The following CRKL variants were observed in gnomAD, a reference collection of about 807,000 sequenced individuals.
The protein encoded by CRKL is crk-like protein.
In CRKL, 3 loss-of-function variants were observed where a neutral mutation model predicts 23.0. The ratio of observed to expected loss-of-function variants is 0.13; its 90% CI spans 0.06 to 0.34. The LOEUF is 0.34. Among genes scored for constraint, CRKL ranks in the 10% least tolerant of loss-of-function variants. The pLI is 1.00. For missense variants in CRKL, 256 were observed against 394.5 expected, an observed-to-expected ratio of 0.65 and a Z score of 2.97; for synonymous variants, 188 against 160.7, an observed-to-expected ratio of 1.17 and a Z score of -1.28.
At chr22:20,929,823 A>T (rs1378242479) in intron 1 of CRKL, among the ~76,000 whole-genome samples, 1 of 152,188 alleles carries the variant, frequency 6.6e-6, no homozygotes, top group African/African-American at 2.4e-5. Flanking sequence ...CTCAAAGAAC[A>T]AATAATTGGG....
intron 1 of CRKL, among the ~76,000 whole-genome samples, chr22:20,924,159 G>C (rs190704916): frequency 4.7e-4 from 71 of 152,252 alleles, no homozygotes; most frequent in Admixed American, 7.9e-4. Flanking sequence ...CTGCACTTCA[G>C]CCTGGGCAAC....
chr22:20,941,687 C>T (rs924665069), intron 2 of CRKL, among the ~76,000 whole-genome samples: 4 of 145,808 alleles, frequency 2.7e-5, no homozygotes, highest in African/African-American at 5.1e-5. Flanking sequence ...CTCTGCCTCC[C>T]GGGTTCAAGC....
chr22:20,921,281 AT>A (rs1189348880), intron 1 of CRKL, among the ~76,000 whole-genome samples: 1 of 152,218 alleles, frequency 6.6e-6, no homozygotes, highest in East Asian at 1.9e-4. Flanking sequence ...CCTACTCGAA[AT>A]TTAAGGACTG....
intron 1 of CRKL, among the ~76,000 whole-genome samples, chr22:20,923,006 T>C (rs1454615102): frequency 6.6e-6 from 1 of 152,136 alleles, no homozygotes; most frequent in Non-Finnish European, 1.5e-5. Flanking sequence ...ATAAGGGCTG[T>C]TTCCAGTTTA....
chr22:20,918,048 C>A lies in CRKL; in HGVS notation c.114C>A (p.Val38=). The part of the protein sequence containing the change: ...LQGQRHGMFL[V]RDSSTCPGDY... Reference sequence around the variant, plus strand: ...GCCAGCGCCACGGTATGTTCCTCGTCCGCGATTCTTCCACCTGCCCTGGGG... The same window carrying A: ...GCCAGCGCCACGGTATGTTCCTCGTACGCGATTCTTCCACCTGCCCTGGGG... The change falls in exon 1 of 3, where the codon GTC becomes GTA. Residue 38 remains valine, a synonymous_variant. Coordinates refer to ENST00000354336, the MANE Select transcript of CRKL (RefSeq NM_005207.4). 1 of 1,614,264 alleles carries A rather than the reference C, an allele frequency of 6.2e-7. No homozygotes were observed. The highest frequency in any genetic ancestry group is 8.5e-7 in the Non-Finnish European group (1 of 1,180,050).
At chr22:20,922,134 T>C (rs1364676743) in intron 1 of CRKL, among the ~76,000 whole-genome samples, 1 of 148,518 alleles carries the variant, frequency 6.7e-6, no homozygotes, top group African/African-American at 2.5e-5. Context: ...TACCTCAGCC[T>C]CCTGAGTAGC....
intron 2 of CRKL, among the ~76,000 whole-genome samples, chr22:20,941,032 C>T (rs1921851653): frequency 6.6e-6 from 1 of 151,980 alleles, no homozygotes; most frequent in Non-Finnish European, 1.5e-5. Context: ...TGCTGGGTGG[C>T]CTGCAGTGCT....
chr22:20,949,632 G>A (rs1253592989), intron 2 of CRKL, 79 bp from the exon 3 acceptor site: 7 of 1,564,004 alleles, frequency 4.5e-6, no homozygotes, highest in Non-Finnish European at 5.2e-6. Context: ...CTTTGGATAA[G>A]GTAGTGTTTG....
At chr22:20,947,258 A>G (rs1417868789) in intron 2 of CRKL, among the ~76,000 whole-genome samples, 1 of 146,370 alleles carries the variant, frequency 6.8e-6, no homozygotes, top group Non-Finnish European at 1.5e-5. Context: ...TTTTTTTTCA[A>G]TAGAAGCTAG....
intron 2 of CRKL, among the ~76,000 whole-genome samples, chr22:20,948,048 CAGA>C (rs1922133556): frequency 6.6e-6 from 1 of 152,076 alleles, no homozygotes; most frequent in African/African-American, 2.4e-5. Flanking sequence ...ACTCAAAAGA[CAGA>C]AGTTTTTTAA....
In CRKL at chr22:20,917,644, A is replaced by G. The variant is rs530324110; in HGVS notation, c.-291A>G. On this transcript the variant is annotated 5_prime_UTR_variant, in exon 1 of 3. Transcript: ENST00000354336. ...CCCCTGGGACGCCGAGCAGCCCGAG[A>G]ACCCCGGGGTGGCCTCCGCTGCGGC... 1,272 of 442,094 alleles carry G rather than the reference A, an allele frequency of 2.9e-3. 2 individuals carry two copies. The highest frequency in any genetic ancestry group is 3.7e-3 in the Non-Finnish European group (925 of 248,954). The allele number at this position is 442,094 out of a possible 1,614,324, so 27.4% of individuals were successfully genotyped here.
intron 1 of CRKL, among the ~76,000 whole-genome samples, chr22:20,926,170 A>T (rs1454575815): frequency 1.3e-5 from 2 of 152,164 alleles, no homozygotes; most frequent in Non-Finnish European, 2.9e-5. Context: ...ATTAATGTAG[A>T]TGATGGGCAG....
chr22:20,941,965 A>G (rs1029617599), intron 2 of CRKL, among the ~76,000 whole-genome samples: 3 of 152,184 alleles, frequency 2.0e-5, no homozygotes, highest in African/African-American at 7.2e-5. Context: ...CATCCTGGTC[A>G]TTAGGCTGAC....
At chr22:20,931,495 G>C (rs1188806520) in intron 1 of CRKL, among the ~76,000 whole-genome samples, 1 of 152,140 alleles carries the variant, frequency 6.6e-6, no homozygotes, top group African/African-American at 2.4e-5. Context: ...GGTGCTGCTC[G>C]GTAATTTTGA....
At chr22:20,927,528 T>A (rs1412020287) in intron 1 of CRKL, among the ~76,000 whole-genome samples, 1 of 150,978 alleles carries the variant, frequency 6.6e-6, no homozygotes, top group Non-Finnish European at 1.5e-5. Context: ...TTTTTTTTTT[T>A]TTAACTGTGA....
rs907013951 is a variant in CRKL, at chr22:20,951,694, T to C, written c.*1849T>C. The stretch of plus-strand genomic sequence containing the variant: ...GGTTTTGAGATTTAGAGCAATGCAT[T>C]CTGGAGACAGAACCAGCAGAACAGC... On this transcript the variant is annotated 3_prime_UTR_variant, in exon 3 of 3. Transcript: ENST00000354336. 8.9e-6 allele frequency: 2 copies of C among 224,886 alleles called. No individual in the cohort carries two copies. Among genetic ancestry groups the C allele is most frequent in the East Asian group, 1.3e-4 (2 of 15,512 alleles). The allele number at this position is 224,886 out of a possible 1,614,324, so 13.9% of individuals were successfully genotyped here.
rs1404203523 is a variant in CRKL at position 20,953,198 on chromosome 22, T to TAACA, written c.*3354_*3357dup. 1 of 231,922 alleles carries TAACA rather than the reference T, an allele frequency of 4.3e-6. No individual in the cohort carries two copies. The highest frequency in any genetic ancestry group is 5.6e-5 in the Admixed American group (1 of 17,720). The allele number at this position is 231,922 out of a possible 1,614,324, so 14.4% of individuals were successfully genotyped here. A position where few individuals can be genotyped will look rare whatever the true frequency, so the allele number is the denominator to read the frequency against. ...AACATGAATGAATTCTTGATTGTTT[T>TAACA]AACACAGTACCTAAGACTAATGCTT... is the stretch of plus-strand genomic sequence containing the variant. On this transcript the variant is annotated 3_prime_UTR_variant, in exon 3 of 3. Transcript: ENST00000354336.
chr22:20,941,515 A>ATG (rs57195377), intron 2 of CRKL, among the ~76,000 whole-genome samples: 1 of 63,998 alleles, frequency 1.6e-5, no homozygotes, highest in African/African-American at 4.8e-5. Context: ...GTGTTTGTGT[A>ATG]TGTGTATATA....
At chr22:20,922,467 G>A (rs1024835302) in intron 1 of CRKL, among the ~76,000 whole-genome samples, 2 of 152,130 alleles carry the variant, frequency 1.3e-5, no homozygotes, top group African/African-American at 4.8e-5. Context: ...GGCTGTTATT[G>A]TAATCCAGCT....
Sources: gnomAD v4.1 joint callset for allele counts (sites outside exome capture counted in the v4.1 genomes callset) on GRCh38, gnomAD v4.1.1 for gene constraint, MANE v1.5 for transcripts, NCBI Gene and HGNC (gene_info 2026-07-23, HGNC 2026-07-21) for gene names.